Variants in MSI2 observed in about 807,000 individuals in gnomAD.
MSI2 encodes the protein musashi RNA binding protein 2.
A neutral mutation model predicts 45.6 loss-of-function variants in MSI2; 17 were observed. The ratio of observed to expected loss-of-function variants is 0.37; its 90% CI spans 0.26 to 0.56. MSI2 has a LOEUF of 0.56. Ranked by LOEUF, MSI2 falls within the 20% of genes least tolerant of loss-of-function variation. The probability of loss-of-function intolerance (pLI) is 0.77; values close to 1 mark genes in which losing one functional copy is unlikely to be tolerated. For missense variants in MSI2, 293 were observed against 444.2 expected (o/e 0.66, Z 3.06); for synonymous variants, 156 against 158.2 (o/e 0.99, Z 0.11).
At chr17:57,600,682 G>A (rs1004164261) in intron 8 of MSI2, among the ~76,000 whole-genome samples, 1 of 152,214 alleles carries the variant, frequency 6.6e-6, no homozygotes, top group Admixed American at 6.5e-5. Context: ...GGGGATCACA[G>A]GAATCCTTCC....
intron 5 of MSI2, among the ~76,000 whole-genome samples, chr17:57,361,460 G>C (rs1002062178): frequency 1.3e-5 from 2 of 151,736 alleles, no homozygotes; most frequent in Non-Finnish European, 2.9e-5. Context: ...AAAAAAATTA[G>C]CCTGGGCATG....
intron 8 of MSI2, among the ~76,000 whole-genome samples, chr17:57,610,066 T>C (rs1388306989): frequency 6.6e-6 from 1 of 152,302 alleles, no homozygotes; most frequent in Middle Eastern, 3.4e-3. Flanking sequence ...ATTGCATTAA[T>C]GTTAAACGTA....
chr17:57,557,872 A>G (rs2087475092), intron 7 of MSI2, among the ~76,000 whole-genome samples: 1 of 152,266 alleles, frequency 6.6e-6, no homozygotes. Context: ...GTTCAGGTCC[A>G]TAACCAAGGC....
intron 10 of MSI2, chr17:57,631,403 C>T (rs1462980440): frequency 5.8e-6 from 1 of 173,384 alleles, no homozygotes; most frequent in African/African-American, 2.4e-5. Context: ...GTGCAGATAT[C>T]ACTCTTAGTA....
chr17:57,461,176 C>T (rs1254557200), intron 6 of MSI2, among the ~76,000 whole-genome samples: 1 of 152,120 alleles, frequency 6.6e-6, no homozygotes, highest in Non-Finnish European at 1.5e-5. Flanking sequence ...TTGACCCGGC[C>T]GCAGAGTGGA....
rs1913703628 is a variant in MSI2 at position 57,682,902 on chromosome 17, T to C, written c.*3385T>C. On this transcript the variant is annotated 3_prime_UTR_variant, in exon 14 of 14. Transcript: ENST00000284073. Reference sequence around the variant, plus strand: ...TAGCTCCCGGACCCATTCCCGGTCCTAGCTGGGCATGGGGCTGACGGAGAT... The same window carrying C: ...TAGCTCCCGGACCCATTCCCGGTCCCAGCTGGGCATGGGGCTGACGGAGAT... 4.4e-6 allele frequency: 1 copy of C among 226,194 alleles called. No individual in the cohort carries two copies. Among genetic ancestry groups the C allele is most frequent in the Non-Finnish European group, 8.8e-6 (1 of 113,798 alleles). The allele number at this position is 226,194 out of a possible 1,614,324, so 14.0% of individuals were successfully genotyped here. A position where few individuals can be genotyped will look rare whatever the true frequency, so the allele number is the denominator to read the frequency against.
At chr17:57,266,085 T>G (rs1229599115) in intron 5 of MSI2, 1 of 152,248 alleles carries the variant, frequency 6.6e-6, no homozygotes, top group Non-Finnish European at 1.5e-5. Flanking sequence ...ATTTCCTTCC[T>G]TAACTTTTAG....
chr17:57,668,895 C>G (rs1453040725), intron 11 of MSI2, among the ~76,000 whole-genome samples: 3 of 152,118 alleles, frequency 2.0e-5, no homozygotes, highest in African/African-American at 4.8e-5. Flanking sequence ...CATCTGGGTC[C>G]CTGAACTGAT....
In MSI2 at chr17:57,597,981, G is replaced by A. The variant is rs370027709; in HGVS notation, c.537+1031G>A. ...TGGATTACTGGAAGTTTGGGAAGTC[G>A]TGTAGGCCTCCCAGATCAGTGGCCA... On this transcript the variant is annotated intron_variant, in intron 8 of 13. Coordinates refer to ENST00000284073, the MANE Select transcript of MSI2 (RefSeq NM_138962.4). Among the ~76,000 whole-genome samples, 332 of 152,316 alleles carry A rather than the reference G, an allele frequency of 2.2e-3. 2 individuals carry two copies. Among genetic ancestry groups the A allele is most frequent in the African/African-American group, 7.5e-3 (311 of 41,552 alleles).
At position 57,673,393 on chromosome 17, in the gene MSI2, G is replaced by T. The variant is rs577036082; in HGVS notation, c.791-1579G>T. 2.3e-3 allele frequency among the ~76,000 whole-genome samples: 355 copies of T among 152,328 alleles called. 1 individual carries two copies. Among genetic ancestry groups the T allele is most frequent in the Non-Finnish European group, 4.3e-3 (292 of 68,032 alleles). On this transcript the variant is annotated intron_variant, in intron 11 of 13. Coordinates refer to ENST00000284073, the MANE Select transcript of MSI2 (RefSeq NM_138962.4). ...GAAGGCAACTGGTCATAGGGCAGAGGGGGAGAAGCCAAGGGAGGCAGAAGG... is the reference window on the plus strand; with the variant it reads ...GAAGGCAACTGGTCATAGGGCAGAGTGGGAGAAGCCAAGGGAGGCAGAAGG...
intron 6 of MSI2, among the ~76,000 whole-genome samples, chr17:57,520,100 A>G (rs1169766624): frequency 1.3e-5 from 2 of 152,230 alleles, no homozygotes; most frequent in African/African-American, 4.8e-5. Flanking sequence ...TGGGTATGAT[A>G]GTATCTACCT....
chr17:57,699,016 A>C, the MSI2 span, among the ~76,000 whole-genome samples: 1 of 10,334 alleles, frequency 9.7e-5, no homozygotes, highest in African/African-American at 1.7e-3. Flanking sequence ...AGAGGCGAGG[A>C]GAGAGAGAGA....
chr17:57,294,516 G>A (rs545048399), intron 5 of MSI2, among the ~76,000 whole-genome samples: 27 of 152,294 alleles, frequency 1.8e-4, no homozygotes, highest in African/African-American at 6.0e-4. Flanking sequence ...AACTCCAAGG[G>A]GCTAGCTGAA....
At chr17:57,393,342 CCACA>C (rs2083829714) in intron 5 of MSI2, among the ~76,000 whole-genome samples, 2 of 152,182 alleles carry the variant, frequency 1.3e-5, no homozygotes, top group Non-Finnish European at 2.9e-5. Flanking sequence ...ACTTCCGGTT[CCACA>C]CATTTCAGAT....
At chr17:57,597,658 C>A (rs542409323) in intron 8 of MSI2, among the ~76,000 whole-genome samples, 1 of 152,046 alleles carries the variant, frequency 6.6e-6, no homozygotes, top group African/African-American at 2.4e-5. Context: ...AATGTAAAAG[C>A]CGTTCTCAAT....
the MSI2 span, among the ~76,000 whole-genome samples, chr17:57,696,105 C>A: frequency 1.3e-5 from 2 of 152,140 alleles, no homozygotes; most frequent in Admixed American, 6.5e-5. Context: ...CGGTTCCTAA[C>A]ACCCCCCCAA....
chr17:57,676,304 G>A (rs911327760), intron 12 of MSI2, among the ~76,000 whole-genome samples: 1 of 152,132 alleles, frequency 6.6e-6, no homozygotes, highest in South Asian at 2.1e-4. Flanking sequence ...GCGCACACAC[G>A]CCTGCCAGCC....
intron 5 of MSI2, among the ~76,000 whole-genome samples, chr17:57,295,121 C>A (rs1910805984): frequency 6.6e-6 from 1 of 152,224 alleles, no homozygotes. Flanking sequence ...TGCCCACCCT[C>A]CAGTGCAAAC....
At chr17:57,378,936 T>C (rs2083549892) in intron 5 of MSI2, among the ~76,000 whole-genome samples, 1 of 152,168 alleles carries the variant, frequency 6.6e-6, no homozygotes, top group African/African-American at 2.4e-5. Flanking sequence ...AAATGCTACC[T>C]GTGCTAAGTG....
Sources: allele counts gnomAD v4.1 joint callset (sites outside exome capture counted in the v4.1 genomes callset), GRCh38; gene constraint gnomAD v4.1.1; transcripts MANE v1.5; gene names NCBI Gene and HGNC (gene_info 2026-07-23, HGNC 2026-07-21).